CACNA1H: variants seen among roughly 807,000 people sequenced by gnomAD.
CACNA1H encodes the protein voltage-dependent T-type calcium channel subunit alpha-1H.
In CACNA1H, 149 loss-of-function variants were observed where a neutral mutation model predicts 192.5. That is an observed-to-expected ratio of 0.77 (90% CI 0.68 to 0.89). The LOEUF is 0.89. Among genes scored for constraint, CACNA1H ranks in the 40% least tolerant of loss-of-function variants. The probability of loss-of-function intolerance (pLI) is 0.00; values close to 1 mark genes in which losing one functional copy is unlikely to be tolerated. For missense variants in CACNA1H, 4,257 were observed against 3,423.5 expected (o/e 1.24, Z -6.08); for synonymous variants, 2,202 against 1,475.2 (o/e 1.49, Z -11.29).
Position 1,202,436 on chromosome 16 carries a change from T to G in CACNA1H, c.1986T>G (p.His662Gln), listed in dbSNP as rs1344571121. The change falls in exon 9 of 35, where the codon CAT becomes CAG. Residue 662 changes from histidine (H) to glutamine (Q), a missense_variant. Transcript: ENST00000348261. ...NSPDPYEKIP[H>Q]VVGEHGLGQA... ...CTGATCCCTACGAGAAGATCCCGCATGTGGTCGGGGAGCATGGTGAGGACC... is the reference window on the plus strand; with the variant it reads ...CTGATCCCTACGAGAAGATCCCGCAGGTGGTCGGGGAGCATGGTGAGGACC... The G allele has an allele frequency of 2.0e-6, 3 of 1,502,988 alleles. No homozygotes were observed. The highest frequency in any genetic ancestry group is 1.8e-6 in the Non-Finnish European group (2 of 1,121,580). 93.1% of individuals were successfully genotyped at this position (1,502,988 alleles called of 1,614,324 possible). A position where few individuals can be genotyped will look rare whatever the true frequency, so the allele number is the denominator to read the frequency against.
rs1196061479 is a variant in CACNA1H, at chr16:1,200,794, A to G, written c.1198A>G (p.Ile400Val). The change falls in exon 8 of 35, where the codon ATC (isoleucine) becomes GTC (valine). Residue 400 changes from isoleucine (I) to valine (V), a missense_variant. Physicochemically the swap from Ile to Val is conservative, Grantham distance 29. Coordinates refer to ENST00000348261, the MANE Select transcript of CACNA1H (RefSeq NM_021098.3). ...AHSFYNFIYF[I>V]LLIIVGSFFM... ...CTCATTCTACAACTTCATCTATTTC[A>G]TCCTGCTCATCATCGTGAGTGTGGG... 3.7e-5 allele frequency: 57 copies of G among 1,550,690 alleles called. No individual in the cohort carries two copies. The highest frequency in any genetic ancestry group is 4.8e-5 in the South Asian group (4 of 84,136).
At chr16:1,195,198 G>C in intron 3 of CACNA1H, 115 bp downstream of exon 3, 3 of 914,982 alleles carry the variant, frequency 3.3e-6, no homozygotes, top group Non-Finnish European at 5.0e-6. Flanking sequence ...GAGTGGGTCA[G>C]GGTCGGGGAT....
chr16:1,189,397 CTTTTTTTTTTT>C (rs3990780), intron 2 of CACNA1H, among the ~76,000 whole-genome samples: 6 of 45,016 alleles, frequency 1.3e-4, no homozygotes, highest in Non-Finnish European at 1.7e-4. Flanking sequence ...GAAGAGTGTC[CTTTTTTTTTTT>C]TTTTTTTTTT....
At chr16:1,182,830 C>T (rs932173761) in intron 2 of CACNA1H, among the ~76,000 whole-genome samples, 1 of 152,142 alleles carries the variant, frequency 6.6e-6, no homozygotes, top group Non-Finnish European at 1.5e-5. Flanking sequence ...TGCCCAGACC[C>T]TCTGTTCCCT....
In CACNA1H at chr16:1,213,857, C is replaced by G. The variant is rs1064796794; in HGVS notation, c.4855C>G (p.Leu1619Val). The G allele has an allele frequency of 3.1e-6, 5 of 1,609,320 alleles. No homozygotes were observed. The highest frequency in any genetic ancestry group is 2.7e-5 in the African/African-American group (2 of 74,882). Residue 1619 changes from leucine (L) to valine (V), a missense_variant, in exon 27 of 35, where the codon CTC becomes GTC. By Grantham distance (32) the Leu-to-Val change is conservative. Coordinates refer to ENST00000348261, the MANE Select transcript of CACNA1H (RefSeq NM_021098.3). ...TCACTCGCTGTGCACCAGCCACTAT[C>G]TCGACCTCTTCATCACCTTCATCAT... ...SIHSLCTSHY[L>V]DLFITFIICV...
At position 1,220,124 on chromosome 16, in the gene CACNA1H, C is replaced by T. The variant is rs576152831; in HGVS notation, c.6192C>T (p.Pro2064=). The T allele has an allele frequency of 1.3e-5, 20 of 1,491,614 alleles. No individual in the cohort carries two copies. The highest frequency in any genetic ancestry group is 4.5e-5 in the Admixed American group (2 of 44,648). 92.4% of individuals were successfully genotyped at this position (1,491,614 alleles called of 1,614,324 possible). A position where few individuals can be genotyped will look rare whatever the true frequency, so the allele number is the denominator to read the frequency against. Residue 2064 remains proline (P), a synonymous_variant, in exon 35 of 35, where the codon CCC becomes CCT. Coordinates refer to ENST00000348261, the MANE Select transcript of CACNA1H (RefSeq NM_021098.3). ...SLQSPPRSPR[P]ASVRTRKHTF... is the part of the protein sequence containing the mutation. Reference sequence around the variant, plus strand: ...AGTCCCCACCACGCTCCCCACGGCCCGCCAGCGTCCGCACTCGTAAGCATA... The same window carrying T: ...AGTCCCCACCACGCTCCCCACGGCCTGCCAGCGTCCGCACTCGTAAGCATA...
intron 2 of CACNA1H, among the ~76,000 whole-genome samples, chr16:1,178,772 C>T (rs999219480): frequency 6.8e-6 from 1 of 146,844 alleles, no homozygotes; most frequent in East Asian, 1.9e-4. Flanking sequence ...GCCCCTGCCC[C>T]TGTCTCCTCC....
chr16:1,176,080 C>G (rs114921718), intron 2 of CACNA1H, among the ~76,000 whole-genome samples: 143 of 152,362 alleles, frequency 9.4e-4, no homozygotes, highest in African/African-American at 3.2e-3. Context: ...GTCTAGCGGG[C>G]TCTGATCTTT....
chr16:1,178,640 G>A lies in CACNA1H; in HGVS notation c.300-16332G>A, dbSNP rs996802932. 5.3e-5 allele frequency among the ~76,000 whole-genome samples: 8 copies of A among 152,208 alleles called. No individual in the cohort carries two copies. In the South Asian group the frequency reaches 8.3e-4, roughly 16 times the overall value. On this transcript the variant is annotated intron_variant, in intron 2 of 34. Transcript: ENST00000348261. ...GTGAGCGTCTGTTGCTTCAGCCGCC[G>A]CCATCCAGCAGACCAGCATCCAGCC... is the stretch of plus-strand genomic sequence containing the variant.
At chr16:1,215,491 C>T (rs1294157895) in intron 29 of CACNA1H, 32 bp from the exon 30 acceptor site, 1 of 1,605,948 alleles carries the variant, frequency 6.2e-7, no homozygotes, top group Non-Finnish European at 8.5e-7. Context: ...AGGGTCCGCC[C>T]AGCCCTGCTG....
In CACNA1H at chr16:1,204,163, G is replaced by A; in HGVS notation, c.2156G>A (p.Ser719Asn). 1 of 1,612,398 alleles carries A rather than the reference G, an allele frequency of 6.2e-7. No homozygotes were observed. The highest frequency in any genetic ancestry group is 1.1e-5 in the South Asian group (1 of 91,066). The change falls in exon 10 of 35, where the codon AGT (serine) becomes AAT (asparagine). Residue 719 changes from serine (S) to asparagine (N), a missense_variant. Coordinates refer to ENST00000348261, the MANE Select transcript of CACNA1H (RefSeq NM_021098.3). Reference sequence around the variant, plus strand: ...GAGGGTGAGCTCAGCGGCTCGGAAAGTGGAGACTCAGATGGCCGTGGCGTC... The same window carrying A: ...GAGGGTGAGCTCAGCGGCTCGGAAAATGGAGACTCAGATGGCCGTGGCGTC... ...DPEGELSGSESGDSDGRGVYE... is the reference protein window; with the variant it reads ...DPEGELSGSENGDSDGRGVYE...
At chr16:1,191,072 CA>C in intron 2 of CACNA1H, among the ~76,000 whole-genome samples, 1 of 128,306 alleles carries the variant, frequency 7.8e-6, no homozygotes, top group African/African-American at 3.0e-5. Context: ...TGGCCTCAGG[CA>C]CACTCGGGGT....
At chr16:1,206,967 T>TCCACCCTCAACACGCCCCTGCCC (rs767709133) in intron 12 of CACNA1H, 34 bp from the exon 13 acceptor site, 3 of 888,260 alleles carry the variant, frequency 3.4e-6, no homozygotes, top group Middle Eastern at 2.7e-4. Context: ...CACCCCTGCC[T>TCCACCCTCAACACGCCCCTGCCC]CCACCCTCAA....
Position 1,220,104 on chromosome 16 carries a change from C to T in CACNA1H, c.6172C>T (p.Pro2058Ser). Residue 2058 changes from proline (P) to serine (S), a missense_variant, in exon 35 of 35, where the codon CCA (proline) becomes TCA (serine). By Grantham distance (74) the Pro-to-Ser change is moderately conservative. Transcript: ENST00000348261. ...GACCCAGGGGGGCTCCCTGCAGTCC[C>T]CACCACGCTCCCCACGGCCCGCCAG... ...PVTQGGSLQS[P>S]PRSPRPASVR... is the part of the protein sequence containing the mutation. The T allele has an allele frequency of 1.3e-6, 2 of 1,487,016 alleles. No homozygotes were observed. Among genetic ancestry groups the T allele is most frequent in the Non-Finnish European group, 1.8e-6 (2 of 1,121,002 alleles). The allele number at this position is 1,487,016 out of a possible 1,614,324, so 92.1% of individuals were successfully genotyped here.
At chr16:1,213,695 C>T in intron 26 of CACNA1H, 85 bp from the exon 27 acceptor site, 2 of 1,088,502 alleles carry the variant, frequency 1.8e-6, no homozygotes, top group Non-Finnish European at 2.5e-6. Flanking sequence ...CTACACTTGG[C>T]CACCTAGGAG....
intron 2 of CACNA1H, among the ~76,000 whole-genome samples, chr16:1,170,964 G>A (rs1964308403): frequency 6.6e-6 from 1 of 152,046 alleles, no homozygotes; most frequent in African/African-American, 2.4e-5. Flanking sequence ...TGCTCCCCAG[G>A]GGGACAGGTA....
intron 8 of CACNA1H, 84 bp from the exon 9 acceptor site, chr16:1,201,579 C>A: frequency 6.9e-7 from 1 of 1,449,166 alleles, no homozygotes; most frequent in Non-Finnish European, 9.2e-7. Context: ...GGCCCCCACT[C>A]GAACAGGCAG....
rs555479232 is a variant in CACNA1H at position 1,200,148 on chromosome 16, T to C, written c.804-108T>C. On this transcript the variant is annotated intron_variant, in intron 6 of 34. Coordinates refer to ENST00000348261, the MANE Select transcript of CACNA1H (RefSeq NM_021098.3). Reference sequence around the variant, plus strand: ...ATGATTAGTCCACTGGCCCTGACCCTGATCACGTCCCTGACCTTGATCACG... The same window carrying C: ...ATGATTAGTCCACTGGCCCTGACCCCGATCACGTCCCTGACCTTGATCACG... The C allele has an allele frequency of 2.1e-4, 181 of 882,894 alleles. No homozygotes were observed. In the East Asian group the frequency reaches 3.3e-3, roughly 16 times the overall value. 54.7% of individuals were successfully genotyped at this position (882,894 alleles called of 1,614,324 possible).
At chr16:1,158,589 G>A (rs552099446) in intron 2 of CACNA1H, among the ~76,000 whole-genome samples, 8 of 152,330 alleles carry the variant, frequency 5.3e-5, no homozygotes, top group African/African-American at 1.2e-4. Context: ...CTCACCCTCC[G>A]GGTCGGGGCT....
Sources: allele counts gnomAD v4.1 joint callset (sites outside exome capture counted in the v4.1 genomes callset), GRCh38; gene constraint gnomAD v4.1.1; transcripts MANE v1.5; gene names NCBI Gene and HGNC (gene_info 2026-07-23, HGNC 2026-07-21).